Variants in FABP12 observed in about 807,000 individuals in gnomAD.
FABP12 encodes fatty acid binding protein 12.
A neutral mutation model predicts 13.7 loss-of-function variants in FABP12; 19 were observed. That is an observed-to-expected ratio of 1.39 (90% CI 0.97 to 2.04). The LOEUF (loss-of-function observed/expected upper bound fraction) is 2.04. FABP12 is among the 30% of genes most tolerant of loss of function. The pLI is 0.00. For missense variants in FABP12, 182 were observed against 164.2 expected (o/e 1.11, Z -0.59); for synonymous variants, 61 against 57.0 (o/e 1.07, Z -0.32).
chr8:81,567,165 A>G (rs1011714636), intron 1 of FABP12, among the ~76,000 whole-genome samples: 1 of 152,238 alleles, frequency 6.6e-6, no homozygotes, highest in Non-Finnish European at 1.5e-5. Flanking sequence ...ACACAAAAAA[A>G]TGGAAAGATA....
upstream of FABP12, among the ~76,000 whole-genome samples, chr8:81,534,762 G>A (rs1470788092): frequency 6.6e-6 from 1 of 151,998 alleles, no homozygotes; most frequent in African/African-American, 2.4e-5. Context: ...AGCCAACATG[G>A]CAAAACCCCG....
chr8:81,537,262 T>C (rs954270963), upstream of FABP12, among the ~76,000 whole-genome samples: 15 of 152,170 alleles, frequency 9.9e-5, no homozygotes, highest in African/African-American at 3.4e-4. Flanking sequence ...CAAAAATTAA[T>C]TGTGTAAGGA....
rs569284328 is a variant in FABP12 at position 81,567,444 on chromosome 8, T to C, written c.-185+22609A>G. Among the ~76,000 whole-genome samples, 22 of 152,216 alleles carry C rather than the reference T, an allele frequency of 1.4e-4. No homozygotes were observed. The South Asian group carries it at 4.4e-3, about 30-fold the overall frequency. The stretch of plus-strand genomic sequence containing the variant: ...GCTATGGTAACCAAAACAGATGGCA[T>C]TGACATAAAGACAGACACATAGACC... On this transcript the variant is annotated intron_variant, in intron 1 of 5. Coordinates refer to the FABP12 transcript ENST00000692030.
upstream of FABP12, among the ~76,000 whole-genome samples, chr8:81,535,809 T>C (rs1809208038): frequency 6.6e-6 from 1 of 152,200 alleles, no homozygotes; most frequent in Non-Finnish European, 1.5e-5. Context: ...CAAAGGATTC[T>C]GGGTCTGAAA....
intron 3 of FABP12, 142 bp downstream of exon 3, chr8:81,529,296 A>G: frequency 1.3e-6 from 1 of 755,298 alleles, no homozygotes; most frequent in Non-Finnish European, 2.1e-6. Flanking sequence ...GTATCTTCAC[A>G]TTGACATCCT....
chr8:81,585,947 A>G (rs888960719), intron 1 of FABP12, among the ~76,000 whole-genome samples: 1 of 152,072 alleles, frequency 6.6e-6, no homozygotes, highest in Non-Finnish European at 1.5e-5. Context: ...CACCCAGATA[A>G]TCAGCATCAT....
intron 1 of FABP12, among the ~76,000 whole-genome samples, chr8:81,533,561 G>A (rs1317098079): frequency 1.3e-5 from 2 of 152,156 alleles, no homozygotes; most frequent in South Asian, 2.1e-4. Context: ...CCATTGATAT[G>A]ATTTTCCTTA....
intron 1 of FABP12, among the ~76,000 whole-genome samples, chr8:81,582,655 A>C (rs1261601773): frequency 6.6e-6 from 1 of 152,168 alleles, no homozygotes; most frequent in East Asian, 1.9e-4. Flanking sequence ...GCAAGAGGTT[A>C]TGACAATTCT....
At chr8:81,537,670 A>C (rs181039099), upstream of FABP12, among the ~76,000 whole-genome samples, 533 of 152,274 alleles carry the variant, frequency 3.5e-3, 3 homozygotes, top group Non-Finnish European at 5.9e-3. Flanking sequence ...GTCATCTCTT[A>C]GTATTTTCTG....
chr8:81,538,656 C>G (rs2129979741), upstream of FABP12, among the ~76,000 whole-genome samples: 1 of 152,212 alleles, frequency 6.6e-6, no homozygotes, highest in East Asian at 1.9e-4. Context: ...TCCCCCAGAG[C>G]CTTCTAGAAG....
chr8:81,579,774 G>A (rs1810125334), intron 1 of FABP12, among the ~76,000 whole-genome samples: 1 of 152,126 alleles, frequency 6.6e-6, no homozygotes, highest in African/African-American at 2.4e-5. Flanking sequence ...ATGCTTCTTT[G>A]ATGATGTAAA....
chr8:81,551,557 T>C (rs1809522678), intron 1 of FABP12, among the ~76,000 whole-genome samples: 1 of 152,162 alleles, frequency 6.6e-6, no homozygotes, highest in Non-Finnish European at 1.5e-5. Flanking sequence ...TGAAAAACTA[T>C]GTGTGGGTTT....
upstream of FABP12, among the ~76,000 whole-genome samples, chr8:81,538,503 A>G (rs979207452): frequency 2.0e-5 from 3 of 152,180 alleles, no homozygotes; most frequent in Non-Finnish European, 4.4e-5. Context: ...TTCTTATAAG[A>G]GAAAGGAGAG....
chr8:81,575,326 A>G (rs1201792713), intron 1 of FABP12, among the ~76,000 whole-genome samples: 1 of 152,196 alleles, frequency 6.6e-6, no homozygotes. Flanking sequence ...AGTGCTTGAC[A>G]TAATTTCAAT....
chr8:81,560,903 C>G (rs1044409783), intron 1 of FABP12, among the ~76,000 whole-genome samples: 1 of 152,186 alleles, frequency 6.6e-6, no homozygotes, highest in Non-Finnish European at 1.5e-5. Flanking sequence ...CCGTGTTGAA[C>G]TCACATTTGG....
At chr8:81,557,373 T>C (rs1809637905) in intron 1 of FABP12, among the ~76,000 whole-genome samples, 1 of 152,242 alleles carries the variant, frequency 6.6e-6, no homozygotes, top group African/African-American at 2.4e-5. Context: ...CCTTTAAGTA[T>C]TTGTTATTTT....
chr8:81,541,910 TAAAAAAAAAAAAAAA>T (rs1167487132), intron 1 of FABP12, among the ~76,000 whole-genome samples: 2,467 of 71,278 alleles, frequency 0.035, 93 homozygotes, highest in African/African-American at 0.12. Context: ...TCCCAGGGTT[TAAAAAAAAAAAAAAA>T]AAAAAAAAAA....
chr8:81,531,769 C>T (rs115594877), intron 1 of FABP12, among the ~76,000 whole-genome samples: 1,579 of 152,284 alleles, frequency 0.01, 26 homozygotes, highest in African/African-American at 0.034. Context: ...AGATCATTCT[C>T]ATTCTTGATA....
At chr8:81,569,669 A>G (rs73692935) in intron 1 of FABP12, among the ~76,000 whole-genome samples, 7,368 of 152,326 alleles carry the variant, frequency 0.048, 224 homozygotes, top group East Asian at 0.16. Context: ...AAACTATGAC[A>G]GCCCCCTCAG....
Sources: gnomAD v4.1 joint callset for allele counts (sites outside exome capture counted in the v4.1 genomes callset) on GRCh38, gnomAD v4.1.1 for gene constraint, MANE v1.5 for transcripts, NCBI Gene and HGNC (gene_info 2026-07-23, HGNC 2026-07-21) for gene names.